The following XPA variants were observed in gnomAD, a reference collection of about 807,000 sequenced individuals.
XPA encodes XPA, DNA damage recognition and repair factor.
XPA carries 27 observed loss-of-function variants against 35.7 expected under a neutral mutation model. That is an observed-to-expected ratio of 0.76 (90% confidence interval 0.56 to 1.04). XPA has a LOEUF of 1.04. Among genes scored for constraint, XPA ranks in the 50% least tolerant of loss-of-function variants. The probability of loss-of-function intolerance (pLI) is 0.00; values close to 1 mark genes in which losing one functional copy is unlikely to be tolerated. For synonymous variants in XPA, 133 were observed against 118.4 expected, an observed-to-expected ratio of 1.12 and a Z score of -0.80; for missense variants, 354 against 342.7, an observed-to-expected ratio of 1.03 and a Z score of -0.26.
intron 3 of XPA, among the ~76,000 whole-genome samples, chr9:97,688,505 T>C (rs1277266179): frequency 6.6e-6 from 1 of 152,266 alleles, no homozygotes; most frequent in East Asian, 1.9e-4. Context: ...CAAGGTAATA[T>C]ATTCACAACT....
In XPA at chr9:97,693,689, T is replaced by TTCTTCC. The variant is rs1554702607; in HGVS notation, c.237_242dup (p.Glu83_Glu84dup). ...CTTTTCCAATTTTCTGTTCTTCTTC[T>TTCTTCC]TCTTCCTCTTCTAAAATGAAGCCTC... On this transcript the variant is annotated inframe_insertion, in exon 2 of 6. Transcript: ENST00000375128. The TTCTTCC allele has an allele frequency of 6.2e-7, 1 of 1,613,482 alleles. No homozygotes were observed. Among genetic ancestry groups the TTCTTCC allele is most frequent in the African/African-American group, 1.3e-5 (1 of 74,936 alleles).
At chr9:97,689,661 C>G (rs1185107491) in intron 2 of XPA, 22 bp from the exon 3 acceptor site, 3 of 1,445,602 alleles carry the variant, frequency 2.1e-6, no homozygotes, top group Non-Finnish European at 2.9e-6. Flanking sequence ...AAAATGAACT[C>G]TAGTTTCCTT....
the XPA span, among the ~76,000 whole-genome samples, chr9:97,663,927 C>T: frequency 2.6e-5 from 4 of 151,470 alleles, no homozygotes; most frequent in East Asian, 2.0e-4. Context: ...ACCTGTAATC[C>T]TAGCACTTTG....
At chr9:97,680,556 G>A (rs962088274) in intron 5 of XPA, among the ~76,000 whole-genome samples, 4 of 152,118 alleles carry the variant, frequency 2.6e-5, no homozygotes, top group African/African-American at 9.7e-5. Context: ...GAAACATGCT[G>A]AAGTGTTTAT....
At chr9:97,657,921 TATATA>T in the XPA span, among the ~76,000 whole-genome samples, 1 of 105,974 alleles carries the variant, frequency 9.4e-6, no homozygotes, top group Non-Finnish European at 1.8e-5. Flanking sequence ...TATATATATA[TATATA>T]TTTTTTTTTT....
chr9:97,668,385 A>G, the XPA span, among the ~76,000 whole-genome samples: 1 of 152,244 alleles, frequency 6.6e-6, no homozygotes, highest in African/African-American at 2.4e-5. Context: ...TTGCCAGCAG[A>G]AAGTCTTAAA....
chr9:97,695,961 T>C (rs1829030728), intron 1 of XPA, among the ~76,000 whole-genome samples: 1 of 152,210 alleles, frequency 6.6e-6, no homozygotes, highest in African/African-American at 2.4e-5. Flanking sequence ...AGCCATGTCG[T>C]AGACCTGGAA....
At chr9:97,664,982 G>A in the XPA span, among the ~76,000 whole-genome samples, 14 of 152,148 alleles carry the variant, frequency 9.2e-5, no homozygotes, top group Non-Finnish European at 1.2e-4. Context: ...TCCCCCTAAC[G>A]GAAAGAAAGT....
chr9:97,676,693 T>TTA (rs1828376177), intron 5 of XPA, among the ~76,000 whole-genome samples: 1 of 152,216 alleles, frequency 6.6e-6, no homozygotes, highest in East Asian at 1.9e-4. Context: ...CCCTTTAAGA[T>TTA]AAGTAGAATT....
At chr9:97,657,920 ATATATATT>A in the XPA span, among the ~76,000 whole-genome samples, 12 of 105,388 alleles carry the variant, frequency 1.1e-4, no homozygotes, top group African/African-American at 5.7e-4. Flanking sequence ...ATATATATAT[ATATATATT>A]TTTTTTTTTT....
chr9:97,690,057 A>G (rs1250473022), intron 2 of XPA, among the ~76,000 whole-genome samples: 2 of 152,152 alleles, frequency 1.3e-5, no homozygotes, highest in African/African-American at 4.8e-5. Flanking sequence ...GCAAGAATCC[A>G]TCTCCTTGCC....
chr9:97,677,032 A>G (rs1216228274), intron 5 of XPA, among the ~76,000 whole-genome samples: 3 of 152,162 alleles, frequency 2.0e-5, no homozygotes, highest in Non-Finnish European at 4.4e-5. Flanking sequence ...AGATAATGTA[A>G]GGAAGATGTT....
the XPA span, chr9:97,658,653 C>T: frequency 1.2e-6 from 2 of 1,610,524 alleles, no homozygotes; most frequent in Non-Finnish European, 1.7e-6. Flanking sequence ...GTCTTACCAT[C>T]AGCGTATATT....
At position 97,697,314 on chromosome 9, in the gene XPA, T is replaced by C. The variant is rs759397961; in HGVS notation, c.-22A>G. On this transcript the variant is annotated 5_prime_UTR_variant, in exon 1 of 6. Coordinates refer to ENST00000375128, the MANE Select transcript of XPA (RefSeq NM_000380.4). ...CCATCTCTGGCCCACTCCGAGGACC[T>C]AGCTCCCAGCTCCACGCACGCGCAC... The C allele has an allele frequency of 3.8e-5, 61 of 1,596,806 alleles. No homozygotes were observed. The highest frequency in any genetic ancestry group is 1.7e-4 in the Middle Eastern group (1 of 5,880).
the XPA span, chr9:97,664,287 A>G: frequency 6.0e-6 from 7 of 1,157,364 alleles, no homozygotes; most frequent in South Asian, 1.4e-5. Flanking sequence ...TGGCACATAT[A>G]TATGTGTGTG....
At chr9:97,681,240 C>G (rs561423865) in intron 5 of XPA, among the ~76,000 whole-genome samples, 38 of 152,286 alleles carry the variant, frequency 2.5e-4, no homozygotes, top group African/African-American at 9.1e-4. Flanking sequence ...CAAGATACTT[C>G]TAAATACTTT....
chr9:97,694,762 C>T (rs1564051175), intron 1 of XPA, among the ~76,000 whole-genome samples: 1 of 152,064 alleles, frequency 6.6e-6, no homozygotes, highest in Non-Finnish European at 1.5e-5. Context: ...GGCATATACA[C>T]AAGAGAAGTG....
chr9:97,693,836 C>G, intron 1 of XPA, 77 bp from the exon 2 acceptor site: 1 of 1,339,252 alleles, frequency 7.5e-7, no homozygotes, highest in Admixed American at 1.7e-5. Flanking sequence ...ATAGAAAATT[C>G]CTTTGAATTC....
intron 5 of XPA, 167 bp from the exon 6 acceptor site, chr9:97,675,754 C>A: frequency 4.6e-6 from 4 of 865,480 alleles, no homozygotes; most frequent in Non-Finnish European, 7.2e-6. Flanking sequence ...ACAAACTTGG[C>A]AAACTTACTT....
Sources: allele counts gnomAD v4.1 joint callset (sites outside exome capture counted in the v4.1 genomes callset), GRCh38; gene constraint gnomAD v4.1.1; transcripts MANE v1.5; gene names NCBI Gene and HGNC (gene_info 2026-07-23, HGNC 2026-07-21).